NUDT3: variants seen among roughly 807,000 people sequenced by gnomAD.
NUDT3 encodes the protein nudix hydrolase 3, also known as diphosphoinositol polyphosphate phosphohydrolase 1.
In NUDT3, 9 loss-of-function variants were observed where a neutral mutation model predicts 23.6. That is an observed-to-expected ratio of 0.38 (90% confidence interval 0.23 to 0.66). The LOEUF (loss-of-function observed/expected upper bound fraction) is 0.66, where lower values mean the gene tolerates loss of function less well. Among genes scored for constraint, NUDT3 ranks in the 30% least tolerant of loss-of-function variants. The pLI is 0.52. For missense variants in NUDT3, 172 were observed against 218.5 expected (o/e 0.79, Z 1.34); for synonymous variants, 86 against 82.6 (o/e 1.04, Z -0.22).
At chr6:34,333,161 G>A (rs1199145103) in intron 2 of NUDT3, among the ~76,000 whole-genome samples, 2 of 152,098 alleles carry the variant, frequency 1.3e-5, no homozygotes, top group Non-Finnish European at 2.9e-5. Flanking sequence ...TTGACCACAA[G>A]CAGCTAAAAA....
chr6:34,343,492 G>A (rs572146199), intron 1 of NUDT3, among the ~76,000 whole-genome samples: 2 of 151,352 alleles, frequency 1.3e-5, no homozygotes, highest in East Asian at 3.9e-4. Context: ...AGCGAGCTAT[G>A]ATCAAGCCAC....
chr6:34,322,994 C>T (rs1016285547), intron 2 of NUDT3, among the ~76,000 whole-genome samples: 1 of 152,144 alleles, frequency 6.6e-6, no homozygotes, highest in African/African-American at 2.4e-5. Flanking sequence ...CAAATTAACA[C>T]AGAAACAGAA....
rs1053502609 is a variant in NUDT3 at position 34,281,722 on chromosome 6, G to A, written c.*7031C>T. The A allele has an allele frequency of 6.6e-6, 1 of 152,224 alleles. No individual in the cohort carries two copies. The highest frequency in any genetic ancestry group is 2.4e-5 in the African/African-American group (1 of 41,466). The allele number at this position is 152,224 out of a possible 1,614,324, so 9.4% of individuals were successfully genotyped here. A position where few individuals can be genotyped will look rare whatever the true frequency, so the allele number is the denominator to read the frequency against. On this transcript the variant is annotated 3_prime_UTR_variant, in exon 5 of 5. Transcript: ENST00000607016. ...AGCAACACATCTATGTCCATTCACAGATGGAAATGAAAGAGTGAGATTCTC... is the reference window on the plus strand; with the variant it reads ...AGCAACACATCTATGTCCATTCACAAATGGAAATGAAAGAGTGAGATTCTC...
intron 2 of NUDT3, among the ~76,000 whole-genome samples, chr6:34,315,782 T>C (rs1561904407): frequency 6.6e-6 from 1 of 152,182 alleles, no homozygotes; most frequent in African/African-American, 2.4e-5. Flanking sequence ...ACAGTCTCTA[T>C]ACACAACAGG....
chr6:34,313,476 G>A (rs1763806594), intron 2 of NUDT3, among the ~76,000 whole-genome samples: 1 of 152,116 alleles, frequency 6.6e-6, no homozygotes, highest in African/African-American at 2.4e-5. Flanking sequence ...ACAACACCAA[G>A]AGGGAACCTT....
chr6:34,364,169 T>C (rs1430201980), intron 1 of NUDT3, among the ~76,000 whole-genome samples: 1 of 152,174 alleles, frequency 6.6e-6, no homozygotes, highest in Non-Finnish European at 1.5e-5. Flanking sequence ...TTTATCTACC[T>C]CTGTTGGGCA....
At chr6:34,334,996 G>C (rs544015383) in intron 2 of NUDT3, among the ~76,000 whole-genome samples, 1 of 151,224 alleles carries the variant, frequency 6.6e-6, no homozygotes, top group South Asian at 2.1e-4. Flanking sequence ...AGAAGAGAGA[G>C]AGAGGAAGGA....
chr6:34,311,400 A>T (rs1414886519), intron 2 of NUDT3, among the ~76,000 whole-genome samples: 3 of 152,276 alleles, frequency 2.0e-5, no homozygotes, highest in Non-Finnish European at 2.9e-5. Flanking sequence ...AGATCTATAT[A>T]AAAAAACCAC....
chr6:34,383,426 T>C (rs909626584), intron 1 of NUDT3, among the ~76,000 whole-genome samples: 1 of 152,166 alleles, frequency 6.6e-6, no homozygotes, highest in East Asian at 1.9e-4. Flanking sequence ...CTCACTCTGT[T>C]GCCCAGGCTG....
rs528021169 is a variant in NUDT3, at chr6:34,349,284, T to G, written c.100-7312A>C. On this transcript the variant is annotated intron_variant, in intron 1 of 4. Coordinates refer to ENST00000607016, the MANE Select transcript of NUDT3 (RefSeq NM_006703.4). ...TGATTAAGACAGTAGGAGGCAGAAG[T>G]AGAAGGAAGTGATAGGTTTCCAGAT... Among the ~76,000 whole-genome samples the G allele has an allele frequency of 7.9e-5, 12 of 152,114 alleles. No homozygotes were observed. In the East Asian group the frequency reaches 2.3e-3, roughly 29 times the overall value.
intron 2 of NUDT3, 75 bp from the exon 3 acceptor site, chr6:34,295,760 T>A (rs1763489790): frequency 3.2e-6 from 5 of 1,574,832 alleles, no homozygotes; most frequent in Non-Finnish European, 2.6e-6. Flanking sequence ...TCTTAAGCAG[T>A]TTATAAAATA....
rs1199338175 is a variant in NUDT3 at position 34,283,183 on chromosome 6, T to TG, written c.*5569dup. The stretch of plus-strand genomic sequence containing the variant: ...GTAGTGTGCCCAAATCATCACAAAA[T>TG]GGGATTCCCTTCCCTTTTCTTTTTT... On this transcript the variant is annotated 3_prime_UTR_variant, in exon 5 of 5. Transcript: ENST00000607016. 1 of 149,612 alleles carries TG rather than the reference T, an allele frequency of 6.7e-6. No homozygotes were observed. The highest frequency in any genetic ancestry group is 1.5e-5 in the Non-Finnish European group (1 of 67,666). 9.3% of individuals were successfully genotyped at this position (149,612 alleles called of 1,614,324 possible).
At chr6:34,332,368 G>A (rs191138420) in intron 2 of NUDT3, among the ~76,000 whole-genome samples, 5 of 152,150 alleles carry the variant, frequency 3.3e-5, no homozygotes, top group Non-Finnish European at 4.4e-5. Flanking sequence ...TTTTTTCCTC[G>A]TCATCTTCAC....
At chr6:34,353,306 T>G (rs966528794) in intron 1 of NUDT3, among the ~76,000 whole-genome samples, 7 of 152,174 alleles carry the variant, frequency 4.6e-5, no homozygotes, top group African/African-American at 1.7e-4. Flanking sequence ...ACTTATTATT[T>G]GTTATACACA....
intron 2 of NUDT3, among the ~76,000 whole-genome samples, chr6:34,314,885 T>C (rs540172002): frequency 1.6e-4 from 25 of 152,202 alleles, no homozygotes; most frequent in South Asian, 1.0e-3. Context: ...GACAAGAAAA[T>C]TGATATCTAG....
At chr6:34,347,962 C>T (rs1425661351) in intron 1 of NUDT3, among the ~76,000 whole-genome samples, 1 of 151,244 alleles carries the variant, frequency 6.6e-6, no homozygotes, top group Non-Finnish European at 1.5e-5. Flanking sequence ...TACTGAAACC[C>T]CCATGTCTAC....
chr6:34,296,879 C>T (rs1763508624), intron 2 of NUDT3, among the ~76,000 whole-genome samples: 1 of 150,604 alleles, frequency 6.6e-6, no homozygotes, highest in Admixed American at 6.6e-5. Flanking sequence ...CAGAAATACA[C>T]AGAGTGATGT....
chr6:34,318,308 A>T (rs1336361868), intron 2 of NUDT3, among the ~76,000 whole-genome samples: 1 of 152,260 alleles, frequency 6.6e-6, no homozygotes, highest in Admixed American at 6.5e-5. Context: ...TTGTAAAAAA[A>T]TTTTTTAAAC....
chr6:34,347,603 G>A (rs1326670786), intron 1 of NUDT3, among the ~76,000 whole-genome samples: 1 of 152,134 alleles, frequency 6.6e-6, no homozygotes, highest in Admixed American at 6.5e-5. Context: ...AAATCTGTGG[G>A]AATGATAAAC....
Sources: gnomAD v4.1 joint callset for allele counts (sites outside exome capture counted in the v4.1 genomes callset) on GRCh38, gnomAD v4.1.1 for gene constraint, MANE v1.5 for transcripts, NCBI Gene and HGNC (gene_info 2026-07-23, HGNC 2026-07-21) for gene names.